ESR1: variants seen among roughly 807,000 people sequenced by gnomAD.
ESR1 encodes estrogen receptor 1.
Under a neutral mutation model 52.7 loss-of-function variants are expected in ESR1, and 12 were observed. That is an observed-to-expected ratio of 0.23 (90% confidence interval 0.15 to 0.37). ESR1 has a LOEUF of 0.37. Ranked by LOEUF, ESR1 falls within the 10% of genes least tolerant of loss-of-function variation. ESR1 has a pLI of 1.00. For synonymous variants in ESR1, 305 were observed against 316.8 expected, an observed-to-expected ratio of 0.96 and a Z score of 0.39; for missense variants, 584 against 779.7, an observed-to-expected ratio of 0.75 and a Z score of 2.99.
chr6:151,823,982 T>C (rs1334653996), intron 1 of ESR1, among the ~76,000 whole-genome samples: 1 of 152,192 alleles, frequency 6.6e-6, no homozygotes, highest in Non-Finnish European at 1.5e-5. Flanking sequence ...TTTGGGTATA[T>C]ACCCAGTAAT....
chr6:152,021,260 AC>A (rs952828904), intron 5 of ESR1, among the ~76,000 whole-genome samples: 4 of 152,106 alleles, frequency 2.6e-5, no homozygotes, highest in Admixed American at 2.6e-4. Context: ...ACATCTTTCT[AC>A]CATGCTGAAT....
intron 3 of ESR1, among the ~76,000 whole-genome samples, chr6:151,934,793 A>G (rs570096642): frequency 6.6e-6 from 1 of 152,364 alleles, no homozygotes; most frequent in South Asian, 2.1e-4. Context: ...TGCAATTTGT[A>G]ATCTCTAATA....
At chr6:151,783,716 C>T (rs1036628748) in intron 2 of ESR1, among the ~76,000 whole-genome samples, 6 of 152,074 alleles carry the variant, frequency 3.9e-5, no homozygotes, top group African/African-American at 1.4e-4. Context: ...ATTAATGAAC[C>T]AATACTGTTA....
intron 6 of ESR1, among the ~76,000 whole-genome samples, chr6:152,115,690 T>C (rs573959900): frequency 5.9e-5 from 9 of 152,206 alleles, no homozygotes; most frequent in East Asian, 1.9e-4. Flanking sequence ...AAAGAGGTCA[T>C]TGAAAATAAT....
chr6:152,100,346 C>T lies in ESR1; in HGVS notation c.*1380C>T. ...CTGGGGCCTGGTCAGATTACGTATG[C>T]CCTTGGTGGTTTAGAGATAATCCAA... On this transcript the variant is annotated 3_prime_UTR_variant, in exon 8 of 8. Transcript: ENST00000206249. 1 of 366,234 alleles carries T rather than the reference C, an allele frequency of 2.7e-6. No individual in the cohort carries two copies. The highest frequency in any genetic ancestry group is 4.9e-6 in the Non-Finnish European group (1 of 205,410). 22.7% of individuals were successfully genotyped at this position (366,234 alleles called of 1,614,324 possible).
intron 1 of ESR1, among the ~76,000 whole-genome samples, chr6:151,825,292 C>G (rs148074141): frequency 1.8e-4 from 28 of 152,028 alleles, no homozygotes; most frequent in Non-Finnish European, 3.1e-4. Flanking sequence ...ATGGTTACAG[C>G]GGGCTTGTGG....
At position 152,098,957 on chromosome 6, in the gene ESR1, C is replaced by A. The variant is rs1253453083; in HGVS notation, c.1779C>A (p.Ala593=). The change falls in exon 8 of 8, where the codon GCC becomes GCA. Residue 593 remains alanine (A), a synonymous_variant. Coordinates refer to ENST00000206249, the MANE Select transcript of ESR1 (RefSeq NM_000125.4). The surrounding 1 kb of genome is among the most constrained non-coding windows in gnomAD (Gnocchi z 5.1). ...CGGGGGAGGCAGAGGGTTTCCCTGCCACGGTCTGAGAGCTCCCTGGCTCCC... is the reference window on the plus strand; with the variant it reads ...CGGGGGAGGCAGAGGGTTTCCCTGCAACGGTCTGAGAGCTCCCTGGCTCCC... The part of the protein sequence containing the change: ...YITGEAEGFP[A]TV The A allele has an allele frequency of 4.3e-6, 7 of 1,613,462 alleles. No individual in the cohort carries two copies. The highest frequency in any genetic ancestry group is 5.9e-6 in the Non-Finnish European group (7 of 1,179,480).
At chr6:152,030,672 C>G (rs1221841970) in intron 5 of ESR1, among the ~76,000 whole-genome samples, 1 of 152,134 alleles carries the variant, frequency 6.6e-6, no homozygotes, top group Non-Finnish European at 1.5e-5. Flanking sequence ...GACTTAGACT[C>G]CCACACAATA....
intron 1 of ESR1, among the ~76,000 whole-genome samples, chr6:151,670,745 A>C (rs375770606): frequency 0.019 from 2,723 of 145,360 alleles, 86 homozygotes; most frequent in African/African-American, 0.064. Context: ...CGTTACACCC[A>C]GCTAATTTTT....
chr6:151,983,614 A>G (rs1562630359), intron 4 of ESR1: 1 of 152,170 alleles, frequency 6.6e-6, no homozygotes, highest in Non-Finnish European at 1.5e-5. Context: ...GCTTTTTTAA[A>G]AAATAAATCT....
intron 2 of ESR1, among the ~76,000 whole-genome samples, chr6:151,771,706 G>A (rs1226295773): frequency 6.6e-6 from 1 of 152,072 alleles, no homozygotes; most frequent in Non-Finnish European, 1.5e-5. Context: ...GCTAAATTAT[G>A]AACCGCAGTT....
At chr6:151,894,860 G>C (rs1010470045) in intron 3 of ESR1, among the ~76,000 whole-genome samples, 1 of 151,946 alleles carries the variant, frequency 6.6e-6, no homozygotes, top group African/African-American at 2.4e-5. Flanking sequence ...GTCTTACTTT[G>C]GCTATGTGGG....
chr6:152,059,246 G>A (rs1226318416), intron 5 of ESR1, among the ~76,000 whole-genome samples: 1 of 151,768 alleles, frequency 6.6e-6, no homozygotes, highest in African/African-American at 2.4e-5. Flanking sequence ...AAACATAAAA[G>A]CATGGAAGTA....
upstream of ESR1, among the ~76,000 whole-genome samples, chr6:151,688,625 G>A (rs1320303399): frequency 6.9e-6 from 1 of 145,592 alleles, no homozygotes; most frequent in African/African-American, 2.5e-5. Flanking sequence ...CATACTAGGG[G>A]AAAAAAAAAA....
intron 4 of ESR1, among the ~76,000 whole-genome samples, chr6:152,005,778 C>T (rs2042281852): frequency 6.6e-6 from 1 of 152,070 alleles, no homozygotes; most frequent in Non-Finnish European, 1.5e-5. Flanking sequence ...CTTTTCAGCT[C>T]ATGACTTCAT....
At chr6:152,057,851 A>G (rs2047228183) in intron 5 of ESR1, among the ~76,000 whole-genome samples, 1 of 152,212 alleles carries the variant, frequency 6.6e-6, no homozygotes, top group African/African-American at 2.4e-5. Flanking sequence ...GTTAGGAATA[A>G]CAGGATACCA....
chr6:151,842,037 G>A (rs1410486575), intron 1 of ESR1, among the ~76,000 whole-genome samples: 1 of 152,088 alleles, frequency 6.6e-6, no homozygotes, highest in African/African-American at 2.4e-5. Context: ...TTCCTAAAGA[G>A]GAGTTTTGAA....
chr6:151,779,899 CA>C (rs1192077755), intron 2 of ESR1, among the ~76,000 whole-genome samples: 802 of 44,738 alleles, frequency 0.018, 1 homozygote, highest in Non-Finnish European at 0.028. Context: ...GACTCCGTCT[CA>C]AAAAAAAAAA....
chr6:151,745,485 G>A (rs1783414798), intron 2 of ESR1, among the ~76,000 whole-genome samples: 1 of 152,154 alleles, frequency 6.6e-6, no homozygotes, highest in Admixed American at 6.5e-5. Context: ...TCATTTGGAA[G>A]ACAACAAACT....
Sources: allele counts gnomAD v4.1 joint callset (sites outside exome capture counted in the v4.1 genomes callset), GRCh38; gene constraint gnomAD v4.1.1; non-coding constraint Gnocchi (gnomAD v3.1); transcripts MANE v1.5; gene names NCBI Gene and HGNC (gene_info 2026-07-23, HGNC 2026-07-21).